GABBR2: variants seen among roughly 807,000 people sequenced by gnomAD.
GABBR2 encodes the protein G-protein coupled receptor 51.
GABBR2 carries 23 observed loss-of-function variants against 105.6 expected under a neutral mutation model. The ratio of observed to expected loss-of-function variants is 0.22; its 90% confidence interval spans 0.16 to 0.31. GABBR2 has a LOEUF of 0.31. GABBR2 is among the 10% of genes least tolerant of loss of function. The probability of loss-of-function intolerance (pLI) is 1.00; values close to 1 mark genes in which losing one functional copy is unlikely to be tolerated. For synonymous variants in GABBR2, 478 were observed against 499.7 expected (o/e 0.96, Z 0.58); for missense variants, 734 against 1,245.5 (o/e 0.59, Z 6.18).
At chr9:98,352,244 C>G (rs1055903689) in intron 13 of GABBR2, among the ~76,000 whole-genome samples, 59 of 152,328 alleles carry the variant, frequency 3.9e-4, no homozygotes, top group African/African-American at 1.3e-3. Flanking sequence ...TGGCAGTTGT[C>G]TACTGGGTGT....
At chr9:98,493,865 A>G (rs1827225257) in intron 4 of GABBR2, among the ~76,000 whole-genome samples, 2 of 152,228 alleles carry the variant, frequency 1.3e-5, no homozygotes, top group Non-Finnish European at 2.9e-5. Flanking sequence ...CAGAAGAGTG[A>G]CCAAGACAGA....
intron 1 of GABBR2, among the ~76,000 whole-genome samples, chr9:98,595,493 C>T (rs1934150864): frequency 2.1e-5 from 2 of 95,446 alleles, no homozygotes; most frequent in Non-Finnish European, 4.3e-5. Flanking sequence ...GGGAAGCCTT[C>T]CTGCAGGGGC....
At chr9:98,418,805 G>C (rs759671615) in intron 7 of GABBR2, among the ~76,000 whole-genome samples, 12 of 152,200 alleles carry the variant, frequency 7.9e-5, no homozygotes, top group Non-Finnish European at 1.5e-4. Flanking sequence ...TCCTGGGTGG[G>C]TGGCTGAGCC....
At chr9:98,692,549 C>G (rs1830696308) in intron 1 of GABBR2, among the ~76,000 whole-genome samples, 1 of 152,200 alleles carries the variant, frequency 6.6e-6, no homozygotes, top group South Asian at 2.1e-4. Flanking sequence ...ATAGGTGACT[C>G]CCGGGAGTCT....
Position 98,607,092 on chromosome 9 carries a change from C to G in GABBR2, c.322-29020G>C. ...AGTTAAGAGATCTGGTTTTGATTCA[C>G]GCTATGGTAGTGGGTGGAACAATCC... On this transcript the variant is annotated intron_variant, in intron 1 of 18. Coordinates refer to ENST00000259455, the MANE Select transcript of GABBR2 (RefSeq NM_005458.8). 2.5e-6 allele frequency: 4 copies of G among 1,581,886 alleles called. No individual in the cohort carries two copies. The South Asian group carries it at 4.4e-5, about 17-fold the overall frequency.
chr9:98,631,400 G>A (rs1829814473), intron 1 of GABBR2, among the ~76,000 whole-genome samples: 1 of 152,194 alleles, frequency 6.6e-6, no homozygotes, highest in African/African-American at 2.4e-5. Flanking sequence ...TTAGCTAACT[G>A]ATGCATTCAA....
At chr9:98,364,218 A>T (rs756531040) in intron 12 of GABBR2, among the ~76,000 whole-genome samples, 1 of 152,124 alleles carries the variant, frequency 6.6e-6, no homozygotes, top group Non-Finnish European at 1.5e-5. Flanking sequence ...ACCCAGCTTA[A>T]CTCTCACCCT....
At chr9:98,570,629 C>G (rs1237052984) in intron 2 of GABBR2, among the ~76,000 whole-genome samples, 1 of 152,178 alleles carries the variant, frequency 6.6e-6, no homozygotes, top group Non-Finnish European at 1.5e-5. Context: ...CAGGACAAAC[C>G]AGGCTGGTGG....
chr9:98,345,879 C>G (rs961432015), intron 13 of GABBR2, among the ~76,000 whole-genome samples: 2 of 152,218 alleles, frequency 1.3e-5, no homozygotes, highest in African/African-American at 2.4e-5. Context: ...GTGAGCCACA[C>G]AAATTTTTGG....
chr9:98,688,809 G>A (rs1245498472), intron 1 of GABBR2, among the ~76,000 whole-genome samples: 1 of 152,194 alleles, frequency 6.6e-6, no homozygotes, highest in Non-Finnish European at 1.5e-5. Context: ...GTGGACAGCT[G>A]GGAGGGGCGT....
At chr9:98,528,834 T>C (rs759310318) in intron 3 of GABBR2, among the ~76,000 whole-genome samples, 6 of 152,156 alleles carry the variant, frequency 3.9e-5, no homozygotes, top group Non-Finnish European at 8.8e-5. Context: ...AAACTCTAAA[T>C]TGGCATGATC....
At chr9:98,462,768 T>C (rs564003589) in intron 6 of GABBR2, among the ~76,000 whole-genome samples, 7 of 152,342 alleles carry the variant, frequency 4.6e-5, no homozygotes, top group African/African-American at 7.2e-5. Flanking sequence ...AAGCTGAACA[T>C]ATGGCTACTC....
intron 2 of GABBR2, among the ~76,000 whole-genome samples, chr9:98,559,059 T>A (rs969319989): frequency 6.6e-6 from 1 of 152,252 alleles, no homozygotes; most frequent in African/African-American, 2.4e-5. Context: ...TGAAGAAGAC[T>A]GTTCTAGGTA....
chr9:98,482,368 T>A (rs1043192530), intron 4 of GABBR2, among the ~76,000 whole-genome samples: 8 of 152,208 alleles, frequency 5.3e-5, no homozygotes, highest in African/African-American at 1.9e-4. Flanking sequence ...TGAAAGGACT[T>A]TAAAAGATCG....
intron 6 of GABBR2, among the ~76,000 whole-genome samples, chr9:98,458,172 C>A (rs1826359235): frequency 6.6e-6 from 1 of 152,220 alleles, no homozygotes; most frequent in Non-Finnish European, 1.5e-5. Context: ...CAGAAATGAG[C>A]TGAGTCCTTC....
chr9:98,685,278 G>A (rs1001206500), intron 1 of GABBR2, among the ~76,000 whole-genome samples: 5 of 152,190 alleles, frequency 3.3e-5, no homozygotes, highest in African/African-American at 9.7e-5. Flanking sequence ...TCAGGCCTTC[G>A]GCCACAGACT....
At chr9:98,337,833 C>T (rs1274378013) in intron 13 of GABBR2, among the ~76,000 whole-genome samples, 1 of 151,986 alleles carries the variant, frequency 6.6e-6, no homozygotes, top group Admixed American at 6.6e-5. Flanking sequence ...CCAGGCTGGC[C>T]AAGAGCCTAT....
At chr9:98,515,996 C>G (rs1162067703) in intron 3 of GABBR2, 1 of 152,544 alleles carries the variant, frequency 6.6e-6, no homozygotes, top group Non-Finnish European at 1.5e-5. Flanking sequence ...GGCCTGGCCC[C>G]TAGGTGGTTC....
chr9:98,403,077 C>T (rs950722956), intron 8 of GABBR2, among the ~76,000 whole-genome samples: 1 of 151,860 alleles, frequency 6.6e-6, no homozygotes, highest in Admixed American at 6.6e-5. Flanking sequence ...GGGCAGACTG[C>T]GAGGTCAGGA....
Sources: allele counts gnomAD v4.1 joint callset (sites outside exome capture counted in the v4.1 genomes callset), GRCh38; gene constraint gnomAD v4.1.1; transcripts MANE v1.5; gene names NCBI Gene and HGNC (gene_info 2026-07-23, HGNC 2026-07-21).